The following ARL15 variants were observed in gnomAD, a reference collection of about 807,000 sequenced individuals.
The protein encoded by ARL15 is ARF like GTPase 15.
In ARL15, 19 loss-of-function variants were observed where a neutral mutation model predicts 25.2. The observed-to-expected ratio is 0.75, with a 90% CI of 0.53 to 1.10. The LOEUF is 1.10. ARL15 is among the 50% of genes least tolerant of loss of function. The pLI, the probability that ARL15 is intolerant of heterozygous loss-of-function variation, is 0.00. For missense variants in ARL15, 220 were observed against 246.0 expected (o/e 0.89, Z 0.71); for synonymous variants, 94 against 86.8 (o/e 1.08, Z -0.46).
intron 1 of ARL15, among the ~76,000 whole-genome samples, chr5:54,262,927 G>A (rs2112626005): frequency 6.6e-6 from 1 of 152,214 alleles, no homozygotes; most frequent in Non-Finnish European, 1.5e-5. Context: ...AACATAATAG[G>A]CACAAAGGGA....
chr5:54,164,770 A>G (rs1292445832), intron 2 of ARL15, among the ~76,000 whole-genome samples: 2 of 151,850 alleles, frequency 1.3e-5, no homozygotes, highest in African/African-American at 4.8e-5. Flanking sequence ...TTGATTCTTA[A>G]AGTCAGTATT....
At chr5:54,174,016 T>C (rs1754792866) in intron 1 of ARL15, among the ~76,000 whole-genome samples, 1 of 152,152 alleles carries the variant, frequency 6.6e-6, no homozygotes, top group Non-Finnish European at 1.5e-5. Context: ...CCTAAGATTG[T>C]GTTAGCAATT....
At chr5:53,922,294 A>T (rs1745880392) in intron 4 of ARL15, among the ~76,000 whole-genome samples, 1 of 152,228 alleles carries the variant, frequency 6.6e-6, no homozygotes, top group Non-Finnish European at 1.5e-5. Context: ...ACGAGGATAC[A>T]AACAAGATTC....
chr5:53,970,916 G>T (rs1747731588), intron 4 of ARL15, among the ~76,000 whole-genome samples: 1 of 152,106 alleles, frequency 6.6e-6, no homozygotes, highest in Admixed American at 6.5e-5. Context: ...TAATCAATCA[G>T]ATCAAGTTTA....
chr5:54,114,419 A>AAAAAAAAAAAAG (rs1401189931), intron 3 of ARL15, among the ~76,000 whole-genome samples: 1 of 150,032 alleles, frequency 6.7e-6, no homozygotes, highest in Non-Finnish European at 1.5e-5. Context: ...AAAAAAAAAA[A>AAAAAAAAAAAAG]AAAGCAACAC....
chr5:54,245,404 T>A (rs1215924403), intron 1 of ARL15, among the ~76,000 whole-genome samples: 2 of 152,176 alleles, frequency 1.3e-5, no homozygotes, highest in Non-Finnish European at 2.9e-5. Flanking sequence ...ATTAACAGAA[T>A]TCTAATTTTT....
chr5:53,946,455 G>GAAAAAAAAAAAAAAAAAAAAAA, intron 4 of ARL15, among the ~76,000 whole-genome samples: 1 of 43,940 alleles, frequency 2.3e-5, no homozygotes, highest in Non-Finnish European at 4.0e-5. Context: ...GTCTCAAGAG[G>GAAAAAAAAAAAAAAAAAAAAAA]AAAAAAAAAA....
chr5:54,160,135 C>A (rs1199391521), intron 2 of ARL15, among the ~76,000 whole-genome samples: 2 of 152,184 alleles, frequency 1.3e-5, no homozygotes, highest in Non-Finnish European at 2.9e-5. Flanking sequence ...TATGCCACAG[C>A]AGTTTTGTGA....
At chr5:54,038,034 T>G (rs866302080) in intron 4 of ARL15, among the ~76,000 whole-genome samples, 4 of 152,136 alleles carry the variant, frequency 2.6e-5, no homozygotes, top group Non-Finnish European at 4.4e-5. Flanking sequence ...CACCTTGAAT[T>G]GAAAATCATA....
At chr5:54,256,611 T>TAAAA (rs71600817) in intron 1 of ARL15, among the ~76,000 whole-genome samples, 6 of 112,494 alleles carry the variant, frequency 5.3e-5, no homozygotes, top group African/African-American at 1.9e-4. Context: ...TGAAAGAATG[T>TAAAA]AAAAAAAAAA....
chr5:54,262,613 T>A (rs1757522338), intron 1 of ARL15, among the ~76,000 whole-genome samples: 1 of 152,324 alleles, frequency 6.6e-6, no homozygotes, highest in South Asian at 2.1e-4. Context: ...TAGCTAATAA[T>A]TATTGTCTCC....
At position 54,195,674 on chromosome 5, in the gene ARL15, T is replaced by C. The variant is rs533271139; in HGVS notation, c.49-23746A>G. ...CCTTCATATTCAACCCTCCTAGAGA[T>C]GATCAGTGCTCAATCCTTCAACTTT... On this transcript the variant is annotated intron_variant, in intron 1 of 4. Coordinates refer to ENST00000504924, the MANE Select transcript of ARL15 (RefSeq NM_019087.3). 3.3e-5 allele frequency among the ~76,000 whole-genome samples: 5 copies of C among 152,298 alleles called. No homozygotes were observed. In the East Asian group the frequency reaches 9.6e-4, roughly 29 times the overall value.
At chr5:54,190,009 G>T (rs1386530679) in intron 1 of ARL15, among the ~76,000 whole-genome samples, 2 of 152,084 alleles carry the variant, frequency 1.3e-5, no homozygotes, top group Non-Finnish European at 2.9e-5. Flanking sequence ...AATTTGAAAA[G>T]ACATTCCTCC....
chr5:54,251,288 AAG>A lies in ARL15; in HGVS notation c.48+59142_48+59143del, dbSNP rs556441362. On this transcript the variant is annotated intron_variant, in intron 1 of 4. Coordinates refer to ENST00000504924, the MANE Select transcript of ARL15 (RefSeq NM_019087.3). ...CATGCTTTGAACTTTAGTGCAAAGAAAGAGATACGTCTGTAGGCTTTTGACAA... is the reference window on the plus strand; with the variant it reads ...CATGCTTTGAACTTTAGTGCAAAGAAAGATACGTCTGTAGGCTTTTGACAA... 2.3e-3 allele frequency among the ~76,000 whole-genome samples: 343 copies of A among 152,352 alleles called. 2 individuals carry two copies. Among genetic ancestry groups the A allele is most frequent in the African/African-American group, 8.0e-3 (331 of 41,578 alleles).
intron 3 of ARL15, among the ~76,000 whole-genome samples, chr5:54,121,806 C>T (rs1393954014): frequency 6.6e-6 from 1 of 152,084 alleles, no homozygotes; most frequent in Non-Finnish European, 1.5e-5. Flanking sequence ...GTTTCCCTCT[C>T]AATAAAAGAG....
intron 4 of ARL15, among the ~76,000 whole-genome samples, chr5:53,922,833 A>G (rs1745898271): frequency 7.7e-6 from 1 of 130,144 alleles, no homozygotes; most frequent in Non-Finnish European, 1.7e-5. Context: ...CAGAAACACA[A>G]GAGAAAAACA....
intron 1 of ARL15, among the ~76,000 whole-genome samples, chr5:54,298,072 G>T (rs1758513637): frequency 6.6e-6 from 1 of 152,130 alleles, no homozygotes; most frequent in Non-Finnish European, 1.5e-5. Flanking sequence ...TGAGAAAGTA[G>T]AAGAAAGTAG....
At chr5:54,194,267 T>C (rs545178394) in intron 1 of ARL15, among the ~76,000 whole-genome samples, 2 of 152,302 alleles carry the variant, frequency 1.3e-5, no homozygotes, top group Admixed American at 6.5e-5. Context: ...CCCACTGCGA[T>C]GTTCATTTTG....
At chr5:53,975,230 G>A (rs1174667062) in intron 4 of ARL15, among the ~76,000 whole-genome samples, 2 of 152,090 alleles carry the variant, frequency 1.3e-5, no homozygotes, top group Admixed American at 6.5e-5. Context: ...CAAGAAATAG[G>A]TGGGCAGAAA....
Sources: gnomAD v4.1 joint callset for allele counts (sites outside exome capture counted in the v4.1 genomes callset) on GRCh38, gnomAD v4.1.1 for gene constraint, MANE v1.5 for transcripts, NCBI Gene and HGNC (gene_info 2026-07-23, HGNC 2026-07-21) for gene names.